MANEA: variants seen among roughly 807,000 people sequenced by gnomAD.
MANEA encodes the protein glycoprotein endo-alpha-1,2-mannosidase.
MANEA carries 25 observed loss-of-function variants against 36.8 expected under a neutral mutation model. That is an observed-to-expected ratio of 0.68 (90% CI 0.50 to 0.95). The LOEUF (loss-of-function observed/expected upper bound fraction) is 0.95, where lower values mean the gene tolerates loss of function less well. Ranked by LOEUF, MANEA falls within the 40% of genes least tolerant of loss-of-function variation. The pLI is 0.00. For missense variants in MANEA, 565 were observed against 558.8 expected (o/e 1.01, Z -0.11); for synonymous variants, 198 against 188.5 (o/e 1.05, Z -0.41).
At chr6:95,595,651 GTTTA>G (rs914415199) in intron 2 of MANEA, among the ~76,000 whole-genome samples, 7 of 152,118 alleles carry the variant, frequency 4.6e-5, no homozygotes, top group Non-Finnish European at 7.4e-5. Flanking sequence ...TAAAGAGTCT[GTTTA>G]TTTATCTAGA....
In MANEA at chr6:95,606,043, T is replaced by C; in HGVS notation, c.1027T>C (p.Leu343=). 6.2e-7 allele frequency: 1 copy of C among 1,614,032 alleles called. No individual in the cohort carries two copies. The highest frequency in any genetic ancestry group is 8.5e-7 in the Non-Finnish European group (1 of 1,179,972). ...SSHQNWASLK[L]FCDKYNLIFI... is the part of the protein sequence containing the mutation. ...ACATCAGAATTGGGCTAGCCTAAAA[T>C]TATTTTGTGATAAATACAACTTAAT... The change falls in exon 5 of 5, where the codon TTA becomes CTA. Residue 343 remains leucine, a synonymous_variant. Transcript: ENST00000358812.
intron 3 of MANEA, among the ~76,000 whole-genome samples, chr6:95,599,782 T>C (rs1562199927): frequency 6.6e-6 from 1 of 152,224 alleles, no homozygotes. Context: ...CTTTCTGATT[T>C]ACTATCCTGA....
intron 2 of MANEA, among the ~76,000 whole-genome samples, chr6:95,588,458 A>G (rs1769328931): frequency 1.3e-5 from 2 of 151,968 alleles, no homozygotes; most frequent in Admixed American, 6.6e-5. Flanking sequence ...TATGTTCTGT[A>G]TGTATTATGA....
Position 95,601,716 on chromosome 6 carries a change from A to ATTTTTTTT in MANEA, c.655-3090_655-3083dup, listed in dbSNP as rs67335804. On this transcript the variant is annotated intron_variant, in intron 3 of 4. Coordinates refer to ENST00000358812, the MANE Select transcript of MANEA (RefSeq NM_024641.4). ...AAAAGAAAATTAGGCAGATTCAGTG[A>ATTTTTTTT]TTTTTTTTTTTTTTTTTTTTTTTTT... 3.1e-4 allele frequency among the ~76,000 whole-genome samples: 20 copies of ATTTTTTTT among 64,992 alleles called. 1 individual carries two copies. Among genetic ancestry groups the ATTTTTTTT allele is most frequent in the South Asian group, 8.7e-4 (1 of 1,146 alleles). 42.6% of individuals were successfully genotyped at this position (64,992 alleles called of 152,430 possible).
At chr6:95,585,256 A>G (rs1287346572) in intron 1 of MANEA, among the ~76,000 whole-genome samples, 2 of 152,202 alleles carry the variant, frequency 1.3e-5, no homozygotes, top group African/African-American at 4.8e-5. Context: ...ATACCCTTTC[A>G]GAAGTTATAA....
At chr6:95,595,923 C>T (rs1017881303) in intron 2 of MANEA, among the ~76,000 whole-genome samples, 2 of 152,064 alleles carry the variant, frequency 1.3e-5, no homozygotes, top group Non-Finnish European at 2.9e-5. Context: ...CAGTTTTACT[C>T]ATAATGGGCA....
chr6:95,593,373 A>G (rs990759713), intron 2 of MANEA, among the ~76,000 whole-genome samples: 4 of 152,330 alleles, frequency 2.6e-5, no homozygotes, highest in South Asian at 2.1e-4. Context: ...ACAACATTGT[A>G]AGGGAGAAGA....
At chr6:95,597,377 T>C (rs1769501021) in intron 3 of MANEA, among the ~76,000 whole-genome samples, 1 of 152,066 alleles carries the variant, frequency 6.6e-6, no homozygotes, top group African/African-American at 2.4e-5. Context: ...CTTAAGATTT[T>C]ATTTCTTTTA....
intron 1 of MANEA, among the ~76,000 whole-genome samples, chr6:95,580,270 G>T (rs1397265201): frequency 2.0e-5 from 3 of 151,908 alleles, no homozygotes; most frequent in African/African-American, 4.8e-5. Flanking sequence ...ACAGCAAAGA[G>T]CCAGAAATTA....
intron 2 of MANEA, among the ~76,000 whole-genome samples, chr6:95,592,145 G>T (rs544984206): frequency 2.8e-4 from 42 of 152,256 alleles, no homozygotes; most frequent in Non-Finnish European, 4.4e-4. Flanking sequence ...TTTGGATAAG[G>T]TAATTTCTTT....
Position 95,605,807 on chromosome 6 carries a change from T to C in MANEA, c.791T>C (p.Met264Thr). 1 of 1,613,756 alleles carries C rather than the reference T, an allele frequency of 6.2e-7. No individual in the cohort carries two copies. Among genetic ancestry groups the C allele is most frequent in the South Asian group, 1.1e-5 (1 of 91,064 alleles). Residue 264 changes from methionine (M) to threonine (T), a missense_variant, in exon 5 of 5, where the codon ATG becomes ACG. Coordinates refer to ENST00000358812, the MANE Select transcript of MANEA (RefSeq NM_024641.4). ...ACGAAGACTGGCAATGCTCTTCCTA[T>C]GTTTTATGTCTATGATTCCTATATT... ...YKTKTGNALP[M>T]FYVYDSYITK... is the part of the protein sequence containing the mutation.
Position 95,586,971 on chromosome 6 carries a change from T to C in MANEA, c.532T>C (p.Ser178Pro). Residue 178 changes from serine to proline, a missense_variant, in exon 2 of 5, where the codon TCA (serine) becomes CCA (proline). Coordinates refer to ENST00000358812, the MANE Select transcript of MANEA (RefSeq NM_024641.4). ...AGAAACTCACATGAGACAAATGCGC[T>C]CAGCTTCAATTGGTAATTATTGTAT... ...VIETHMRQMR[S>P]ASIGVLALSW... 4 of 1,589,644 alleles carry C rather than the reference T, an allele frequency of 2.5e-6. No homozygotes were observed. In the South Asian group the frequency reaches 3.3e-5, roughly 13 times the overall value.
intron 3 of MANEA, among the ~76,000 whole-genome samples, chr6:95,599,008 G>A (rs1182979176): frequency 6.6e-6 from 1 of 151,924 alleles, no homozygotes; most frequent in Non-Finnish European, 1.5e-5. Flanking sequence ...AATAGAAATA[G>A]CAACAAAACC....
At position 95,586,917 on chromosome 6, in the gene MANEA, A is replaced by C; in HGVS notation, c.478A>C (p.Ser160Arg). 1 of 1,613,526 alleles carries C rather than the reference A, an allele frequency of 6.2e-7. No homozygotes were observed. The highest frequency in any genetic ancestry group is 8.5e-7 in the Non-Finnish European group (1 of 1,179,602). ...CTCCAGCTTTTATCCTGAATTGGGA[A>C]GTTACAGTTCTCGGGATCCTTCTGT... The part of the protein sequence containing the change: ...IGSSFYPELG[S>R]YSSRDPSVIE... Residue 160 changes from serine (S) to arginine (R), a missense_variant, in exon 2 of 5, where the codon AGT becomes CGT. By Grantham distance (110) the Ser-to-Arg change is moderately radical. Transcript: ENST00000358812.
In MANEA at chr6:95,606,119, G is replaced by A; in HGVS notation, c.1103G>A (p.Trp368Ter). ...PGYIDTSIRP[W>*]NTQNTRNRIN... The stretch of plus-strand genomic sequence containing the variant: ...TACATAGATACCAGCATCCGTCCAT[G>A]GAACACGCAAAACACTCGGAACCGA... The change falls in exon 5 of 5, where the codon TGG (tryptophan) becomes TAG (stop). Residue 368 changes from tryptophan (W) to a stop codon, truncating the protein, a stop_gained. Transcript: ENST00000358812. LOFTEE classifies it high-confidence loss of function. 6.2e-7 allele frequency: 1 copy of A among 1,613,978 alleles called. No individual in the cohort carries two copies.
intron 2 of MANEA, among the ~76,000 whole-genome samples, chr6:95,589,348 C>A (rs1022235770): frequency 6.6e-6 from 1 of 152,030 alleles, no homozygotes; most frequent in Non-Finnish European, 1.5e-5. Flanking sequence ...ATTTAACATT[C>A]ATATTTTTCC....
At chr6:95,589,484 C>A (rs1769344107) in intron 2 of MANEA, among the ~76,000 whole-genome samples, 1 of 151,970 alleles carries the variant, frequency 6.6e-6, no homozygotes, top group Admixed American at 6.6e-5. Flanking sequence ...TGGCATAAAT[C>A]CTAATGGCTC....
chr6:95,602,391 A>G (rs1277859517), intron 3 of MANEA, among the ~76,000 whole-genome samples: 2 of 152,282 alleles, frequency 1.3e-5, no homozygotes, highest in African/African-American at 4.8e-5. Context: ...ACCTACCTCA[A>G]TTTTGTTGTG....
chr6:95,590,187 G>A (rs1331130892), intron 2 of MANEA: 3 of 152,170 alleles, frequency 2.0e-5, no homozygotes, highest in Non-Finnish European at 2.9e-5. Flanking sequence ...ATAAATTTAC[G>A]TTGTTTTAAG....
Sources: allele counts gnomAD v4.1 joint callset (sites outside exome capture counted in the v4.1 genomes callset), GRCh38; gene constraint gnomAD v4.1.1; transcripts MANE v1.5; gene names NCBI Gene and HGNC (gene_info 2026-07-23, HGNC 2026-07-21).